ZC3H12D: variants seen among roughly 807,000 people sequenced by gnomAD.
ZC3H12D encodes probable ribonuclease ZC3H12D.
A neutral mutation model predicts 24.2 loss-of-function variants in ZC3H12D; 11 were observed. That is an observed-to-expected ratio of 0.46 (90% CI 0.29 to 0.75). The LOEUF is 0.75. Among genes scored for constraint, ZC3H12D ranks in the 30% least tolerant of loss-of-function variants. The pLI, the probability that ZC3H12D is intolerant of heterozygous loss-of-function variation, is 0.11. For synonymous variants in ZC3H12D, 333 were observed against 341.8 expected, an observed-to-expected ratio of 0.97 and a Z score of 0.28; for missense variants, 740 against 767.7, an observed-to-expected ratio of 0.96 and a Z score of 0.43.
At chr6:149,459,146 T>C (rs1283368868) in intron 3 of ZC3H12D, among the ~76,000 whole-genome samples, 3 of 132,218 alleles carry the variant, frequency 2.3e-5, no homozygotes, top group African/African-American at 6.1e-5. Flanking sequence ...TCTTTCTTCA[T>C]AAGTTTGCAC....
At chr6:149,477,951 G>A (rs981714621) in intron 1 of ZC3H12D, among the ~76,000 whole-genome samples, 1 of 151,850 alleles carries the variant, frequency 6.6e-6, no homozygotes, top group East Asian at 1.9e-4. Context: ...GGCGGATCAC[G>A]AGGTCAGGAG....
chr6:149,461,698 T>G, intron 3 of ZC3H12D, 133 bp downstream of exon 3: 66 of 1,005,192 alleles, frequency 6.6e-5, no homozygotes, highest in Middle Eastern at 5.1e-4. Context: ...AGTGCCTTCA[T>G]GGAGCTTATA....
intron 2 of ZC3H12D, among the ~76,000 whole-genome samples, chr6:149,462,764 C>G (rs1187684684): frequency 6.6e-6 from 1 of 152,182 alleles, no homozygotes; most frequent in Non-Finnish European, 1.5e-5. Context: ...GTTTTTCGCC[C>G]GTGCTGGATG....
At chr6:149,453,322 C>T (rs1775931218) in intron 4 of ZC3H12D, among the ~76,000 whole-genome samples, 1 of 151,588 alleles carries the variant, frequency 6.6e-6, no homozygotes, top group South Asian at 2.1e-4. Flanking sequence ...ATGACAGCCT[C>T]CGAGCTTCGC....
chr6:149,453,762 C>A lies in ZC3H12D; in HGVS notation c.681-1040G>T, dbSNP rs1257607389. 2.0e-5 allele frequency among the ~76,000 whole-genome samples: 3 copies of A among 152,130 alleles called. No individual in the cohort carries two copies. In the East Asian group the frequency reaches 5.8e-4, roughly 29 times the overall value. ...ATGAGGTTAACAGCTCCAGAAAAGC[C>A]AGGAGTGGTGTCATACCCCTGTAGT... is the stretch of plus-strand genomic sequence containing the variant. On this transcript the variant is annotated intron_variant, in intron 4 of 5. Coordinates refer to ENST00000409806, the MANE Select transcript of ZC3H12D (RefSeq NM_207360.3).
chr6:149,481,160 A>G (rs551980799), intron 1 of ZC3H12D, among the ~76,000 whole-genome samples: 3 of 150,992 alleles, frequency 2.0e-5, no homozygotes, highest in East Asian at 3.9e-4. Context: ...CCACAGCCAC[A>G]CCCCTCAGAA....
chr6:149,462,676 A>G (rs1776092585), intron 2 of ZC3H12D, among the ~76,000 whole-genome samples: 1 of 152,202 alleles, frequency 6.6e-6, no homozygotes. Flanking sequence ...GGCACCATCT[A>G]ATCAACTGCC....
chr6:149,480,249 C>T lies in ZC3H12D; in HGVS notation c.-71+4564G>A, dbSNP rs564137289. Among the ~76,000 whole-genome samples, 7 of 152,310 alleles carry T rather than the reference C, an allele frequency of 4.6e-5. No homozygotes were observed. In the South Asian group the frequency reaches 6.2e-4, roughly 14 times the overall value. ...GAGCTGTAAACCACGAAGATAAGCA[C>T]GTACTTTCAATTAGAAAAATGTGTT... On this transcript the variant is annotated intron_variant, in intron 1 of 5. Coordinates refer to ENST00000409806, the MANE Select transcript of ZC3H12D (RefSeq NM_207360.3).
At chr6:149,479,018 C>A (rs1776384545) in intron 1 of ZC3H12D, among the ~76,000 whole-genome samples, 1 of 152,188 alleles carries the variant, frequency 6.6e-6, no homozygotes, top group Admixed American at 6.5e-5. Context: ...CCCACCTGAC[C>A]CCTTCTCTAG....
intron 2 of ZC3H12D, among the ~76,000 whole-genome samples, chr6:149,465,648 G>T (rs781015008): frequency 5.3e-5 from 8 of 151,878 alleles, no homozygotes; most frequent in Admixed American, 4.6e-4. Context: ...CCAGCTACTC[G>T]GGAGGCTGAG....
rs1776475886 is a variant in ZC3H12D, at chr6:149,484,879, A to T, written c.-137T>A. 6.6e-6 allele frequency: 1 copy of T among 152,182 alleles called. No homozygotes were observed. The highest frequency in any genetic ancestry group is 2.4e-5 in the African/African-American group (1 of 41,416). 9.4% of individuals were successfully genotyped at this position (152,182 alleles called of 1,614,324 possible). On this transcript the variant is annotated 5_prime_UTR_variant, in exon 1 of 6. In the 5' UTR this introduces an upstream ATG that the reference lacks. Coordinates refer to ENST00000409806, the MANE Select transcript of ZC3H12D (RefSeq NM_207360.3). ...CCAGTCGCCAGCAGCCTTCACGCCA[A>T]TGTTCTCCCGTCAGTGAGGCCAGGC...
At position 149,482,646 on chromosome 6, in the gene ZC3H12D, C is replaced by T. The variant is rs370006241; in HGVS notation, c.-71+2167G>A. ...ATCAGCCAATACAGGGGAGGGGTCCCGGGTTCTAGTTTGCAGCCTCTGACT... is the reference window on the plus strand; with the variant it reads ...ATCAGCCAATACAGGGGAGGGGTCCTGGGTTCTAGTTTGCAGCCTCTGACT... On this transcript the variant is annotated intron_variant, in intron 1 of 5. Transcript: ENST00000409806. 3.8e-4 allele frequency among the ~76,000 whole-genome samples: 58 copies of T among 152,200 alleles called. No individual in the cohort carries two copies. In the South Asian group the frequency reaches 0.011, roughly 28 times the overall value.
rs74528770 is a variant in ZC3H12D at position 149,475,120 on chromosome 6, G to A, written c.-70-507C>T. Among the ~76,000 whole-genome samples, 387 of 152,264 alleles carry A rather than the reference G, an allele frequency of 2.5e-3. 2 individuals are homozygous for A. The highest frequency in any genetic ancestry group is 8.6e-3 in the African/African-American group (357 of 41,562). ...GAGGGACCACCATGTGAAGACTCAG[G>A]GAGAAGGGAGAAAGCAACCCTGCAG... On this transcript the variant is annotated intron_variant, in intron 1 of 5. Coordinates refer to ENST00000409806, the MANE Select transcript of ZC3H12D (RefSeq NM_207360.3).
At chr6:149,457,594 T>C (rs547536754) in intron 3 of ZC3H12D, among the ~76,000 whole-genome samples, 87 of 152,370 alleles carry the variant, frequency 5.7e-4, no homozygotes, top group African/African-American at 1.9e-3. Flanking sequence ...ACGCCTCCTC[T>C]TCCTGTCTCA....
At chr6:149,453,353 A>G (rs1040611872) in intron 4 of ZC3H12D, among the ~76,000 whole-genome samples, 13 of 151,834 alleles carry the variant, frequency 8.6e-5, no homozygotes, top group Non-Finnish European at 1.8e-4. Context: ...CTTCATCAGA[A>G]TCTGAAGTTG....
rs61206923 is a variant in ZC3H12D, at chr6:149,449,925, C to CTGCGCGTG, written c.*757_*758insCACGCGCA. On this transcript the variant is annotated 3_prime_UTR_variant, in exon 6 of 6. Coordinates refer to ENST00000409806, the MANE Select transcript of ZC3H12D (RefSeq NM_207360.3). ...TGTGAGTATGTACATGTATGATAGA[C>CTGCGCGTG]TGTGTGTGTGTGTGTGTGTGTGTGT... 1 of 143,990 alleles carries CTGCGCGTG rather than the reference C, an allele frequency of 6.9e-6. No individual in the cohort carries two copies. The allele number at this position is 143,990 out of a possible 1,614,324, so 8.9% of individuals were successfully genotyped here.
chr6:149,465,770 G>A (rs922556577), intron 2 of ZC3H12D, among the ~76,000 whole-genome samples: 6 of 151,678 alleles, frequency 4.0e-5, no homozygotes, highest in Middle Eastern at 3.4e-3. Flanking sequence ...AAAAAAAGGG[G>A]GGGGGAAGAG....
At position 149,453,577 on chromosome 6, in the gene ZC3H12D, G is replaced by A. The variant is rs756020220; in HGVS notation, c.681-855C>T. On this transcript the variant is annotated intron_variant, in intron 4 of 5. Coordinates refer to ENST00000409806, the MANE Select transcript of ZC3H12D (RefSeq NM_207360.3). ...CGGGAGGCGAAGGTTGCAGTGAGCC[G>A]AGATCATGCTACTGCACTCCATCCT... 2.3e-4 allele frequency among the ~76,000 whole-genome samples: 35 copies of A among 150,758 alleles called. No homozygotes were observed. The East Asian group carries it at 4.7e-3, about 20-fold the overall frequency.
chr6:149,452,699 AG>A lies in ZC3H12D; in HGVS notation c.703del (p.Leu235TrpfsTer8). The part of the protein sequence containing the change: ...NDRFMPPDDP[L>X]GRHGPSLSNF... ...GCTCAGGGAGGGTCCATGGCGGCCC[AG>A]GGGGTCATCAGGCGGCATGAACCTG... On this transcript the variant is annotated frameshift_variant, in exon 5 of 6. Coordinates refer to ENST00000409806, the MANE Select transcript of ZC3H12D (RefSeq NM_207360.3). LOFTEE classifies it high-confidence loss of function. This position sits in a 1 kb window ranked among gnomAD's most constrained non-coding sequence, Gnocchi z 4.0. 1 of 1,607,262 alleles carries A rather than the reference AG, an allele frequency of 6.2e-7. No homozygotes were observed.
Sources: gnomAD v4.1 joint callset for allele counts (sites outside exome capture counted in the v4.1 genomes callset) on GRCh38, gnomAD v4.1.1 for gene constraint, Gnocchi (gnomAD v3.1) non-coding constraint, MANE v1.5 for transcripts, NCBI Gene and HGNC (gene_info 2026-07-23, HGNC 2026-07-21) for gene names.